RBBP9: variants seen among roughly 807,000 people sequenced by gnomAD.
RBBP9 encodes the protein serine hydrolase RBBP9.
In RBBP9, 20 loss-of-function variants were observed where a neutral mutation model predicts 24.2. That is an observed-to-expected ratio of 0.83 (90% CI 0.58 to 1.20). The LOEUF (loss-of-function observed/expected upper bound fraction) is 1.20, where lower values mean the gene tolerates loss of function less well. Among genes scored for constraint, RBBP9 ranks in the 50% most tolerant of loss-of-function variants. The pLI, the probability that RBBP9 is intolerant of heterozygous loss-of-function variation, is 0.00. For missense variants in RBBP9, 234 were observed against 233.6 expected (o/e 1.00, Z -0.01); for synonymous variants, 74 against 84.6 (o/e 0.87, Z 0.69).
At chr20:18,496,754 A>C (rs1208162129) in intron 1 of RBBP9, among the ~76,000 whole-genome samples, 2 of 151,504 alleles carry the variant, frequency 1.3e-5, no homozygotes, top group Admixed American at 6.6e-5. Context: ...TGAACATGTA[A>C]AATTATCTGG....
intron 2 of RBBP9, 123 bp downstream of exon 2, chr20:18,495,715 T>C (rs2059884162): frequency 1.2e-6 from 1 of 831,136 alleles, no homozygotes; most frequent in African/African-American, 1.8e-5. Flanking sequence ...GCTTGCCTTA[T>C]TCTTTCTTAG....
At chr20:18,494,797 G>C (rs953274179) in intron 2 of RBBP9, among the ~76,000 whole-genome samples, 4 of 152,162 alleles carry the variant, frequency 2.6e-5, no homozygotes, top group African/African-American at 4.8e-5. Flanking sequence ...GTAGCAATAT[G>C]ACATTTTTAA....
rs576647948 is a variant in RBBP9 at position 18,496,752 on chromosome 20, TA to T, written c.99+316del. ...GCTGAAGCGGGAAGCAGTGAACATGTAAAATTATCTGGGAAGTCCCAAATCT... is the reference window on the plus strand; with the variant it reads ...GCTGAAGCGGGAAGCAGTGAACATGTAAATTATCTGGGAAGTCCCAAATCT... On this transcript the variant is annotated intron_variant, in intron 1 of 4. Transcript: ENST00000337227. Among the ~76,000 whole-genome samples the T allele has an allele frequency of 2.2e-3, 329 of 152,300 alleles. 1 individual carries two copies. The highest frequency in any genetic ancestry group is 3.4e-3 in the Middle Eastern group (1 of 294).
intron 2 of RBBP9, 27 bp from the exon 3 acceptor site, chr20:18,494,090 CTG>C: frequency 6.3e-7 from 1 of 1,585,614 alleles, no homozygotes; most frequent in Non-Finnish European, 8.6e-7. Flanking sequence ...AAGAAAAAGT[CTG>C]TCATTTGATA....
chr20:18,497,189 C>A lies in RBBP9; in HGVS notation c.-22G>T, dbSNP rs754438243. On this transcript the variant is annotated 5_prime_UTR_variant, in exon 1 of 5. Coordinates refer to ENST00000337227, the MANE Select transcript of RBBP9 (RefSeq NM_006606.3). ...CCATGAGTGCAGCGAGGCCAGAGTT[C>A]CCCAGCGCGGGTCCAGCGGAGCTGA... 5 of 1,591,110 alleles carry A rather than the reference C, an allele frequency of 3.1e-6. No individual in the cohort carries two copies. The South Asian group carries it at 4.4e-5, about 14-fold the overall frequency.
intron 2 of RBBP9, among the ~76,000 whole-genome samples, chr20:18,495,002 G>A (rs1386856118): frequency 2.0e-5 from 3 of 152,098 alleles, no homozygotes; most frequent in Admixed American, 1.3e-4. Flanking sequence ...TACCCCATCC[G>A]GGAGGTGAGG....
intron 3 of RBBP9, among the ~76,000 whole-genome samples, chr20:18,492,592 T>TA (rs1249506492): frequency 1.3e-5 from 2 of 152,212 alleles, no homozygotes; most frequent in Non-Finnish European, 2.9e-5. Flanking sequence ...ATCATTTGCT[T>TA]AAAGTGATAT....
At chr20:18,491,600 C>G (rs555165879) in intron 3 of RBBP9, among the ~76,000 whole-genome samples, 2 of 152,124 alleles carry the variant, frequency 1.3e-5, no homozygotes, top group South Asian at 2.1e-4. Flanking sequence ...TAGAGTGAGT[C>G]TCCTTTATTG....
In RBBP9 at chr20:18,497,206, C is replaced by T. The variant is rs1413987095; in HGVS notation, c.-39G>A. The T allele has an allele frequency of 1.3e-6, 2 of 1,541,622 alleles. No homozygotes were observed. Among genetic ancestry groups the T allele is most frequent in the Admixed American group, 1.7e-5 (1 of 59,086 alleles). On this transcript the variant is annotated 5_prime_UTR_variant, in exon 1 of 5. Transcript: ENST00000337227. ...CCAGAGTTCCCCAGCGCGGGTCCAG[C>T]GGAGCTGAGCCCAGCCTGCTCCCGC...
chr20:18,493,406 A>T (rs923530834), intron 3 of RBBP9, among the ~76,000 whole-genome samples: 1 of 152,210 alleles, frequency 6.6e-6, no homozygotes, highest in Non-Finnish European at 1.5e-5. Context: ...AGAAATAAAC[A>T]GGATGTCAGA....
intron 1 of RBBP9, 119 bp from the exon 2 acceptor site, chr20:18,495,999 T>C: frequency 2.3e-6 from 2 of 854,182 alleles, no homozygotes; most frequent in Non-Finnish European, 3.6e-6. Context: ...ACTTGTGTTA[T>C]GAAATGAAGT....
Position 18,496,952 on chromosome 20 carries a change from AAC to A in RBBP9, c.99+115_99+116del, listed in dbSNP as rs1435877356. 9.9e-6 allele frequency: 8 copies of A among 806,222 alleles called. 1 individual carries two copies. Among genetic ancestry groups the A allele is most frequent in the Middle Eastern group, 2.3e-4 (1 of 4,374 alleles). The allele number at this position is 806,222 out of a possible 1,614,324, so 49.9% of individuals were successfully genotyped here. A position where few individuals can be genotyped will look rare whatever the true frequency, so the allele number is the denominator to read the frequency against. On this transcript the variant is annotated intron_variant, in intron 1 of 4. Coordinates refer to ENST00000337227, the MANE Select transcript of RBBP9 (RefSeq NM_006606.3). The stretch of plus-strand genomic sequence containing the variant: ...GAAGGCAGCGGGGGAGAGGCAGGAA[AAC>A]ACACAGGGCTTTGCTAGAGGGGATT...
intron 3 of RBBP9, among the ~76,000 whole-genome samples, chr20:18,492,250 T>G (rs569588276): frequency 7.2e-5 from 11 of 152,308 alleles, no homozygotes; most frequent in African/African-American, 2.6e-4. Context: ...TACAGCAATA[T>G]TATCTGTATT....
chr20:18,493,237 G>A (rs2059872055), intron 3 of RBBP9, among the ~76,000 whole-genome samples: 1 of 152,156 alleles, frequency 6.6e-6, no homozygotes. Context: ...CAGTAGGGAT[G>A]TGCATACGAA....
intron 4 of RBBP9, 50 bp downstream of exon 4, chr20:18,490,345 G>T: frequency 7.0e-7 from 1 of 1,421,706 alleles, no homozygotes; most frequent in Non-Finnish European, 9.9e-7. Context: ...TAAACAGACA[G>T]CCCCATGTCT....
In RBBP9 at chr20:18,497,096, A is replaced by G. The variant is rs960365922; in HGVS notation, c.72T>C (p.Tyr24=). Residue 24 remains tyrosine (Y), a synonymous_variant, in exon 1 of 5, where the codon TAT becomes TAC. Coordinates refer to ENST00000337227, the MANE Select transcript of RBBP9 (RefSeq NM_006606.3). ...TCTCCAGCTCCTTTTTCACCCAGCCATACCAGCCGTGGGTGGTCACATCCC... is the reference window on the plus strand; with the variant it reads ...TCTCCAGCTCCTTTTTCACCCAGCCGTACCAGCCGTGGGTGGTCACATCCC... ...GGGDVTTHGW[Y]GWVKKELEKI... 5 of 1,614,086 alleles carry G rather than the reference A, an allele frequency of 3.1e-6. No individual in the cohort carries two copies. In the African/African-American group the frequency reaches 6.7e-5, roughly 22 times the overall value.
chr20:18,490,266 T>TACCACC, intron 4 of RBBP9, 129 bp downstream of exon 4: 1 of 719,600 alleles, frequency 1.4e-6, no homozygotes, highest in Non-Finnish European at 2.4e-6. Flanking sequence ...CAAAGATAGG[T>TACCACC]GGTATATCTT....
chr20:18,495,458 C>T (rs1376722506), intron 2 of RBBP9, among the ~76,000 whole-genome samples: 3 of 151,248 alleles, frequency 2.0e-5, no homozygotes, highest in African/African-American at 7.3e-5. Context: ...TGCGGAAGGC[C>T]GCAGGGTCCT....
rs997874625 is a variant in RBBP9 at position 18,488,009 on chromosome 20, G to A, written c.*1755C>T. On this transcript the variant is annotated 3_prime_UTR_variant, in exon 5 of 5. Transcript: ENST00000337227. ...CCTACCAAAATGCCCATTCCCCAAA[G>A]ATGATTGCTGTTGAACGATTAGGGT... 4 of 152,156 alleles carry A rather than the reference G, an allele frequency of 2.6e-5. No homozygotes were observed. Among genetic ancestry groups the A allele is most frequent in the African/African-American group, 9.7e-5 (4 of 41,440 alleles). 9.4% of individuals were successfully genotyped at this position (152,156 alleles called of 1,614,324 possible).
Sources: allele counts gnomAD v4.1 joint callset (sites outside exome capture counted in the v4.1 genomes callset), GRCh38; gene constraint gnomAD v4.1.1; transcripts MANE v1.5; gene names NCBI Gene and HGNC (gene_info 2026-07-23, HGNC 2026-07-21).